The following DOCK8 variants were observed in gnomAD, a reference collection of about 807,000 sequenced individuals.
The protein encoded by DOCK8 is dedicator of cytokinesis protein 8.
Under a neutral mutation model 245.6 loss-of-function variants are expected in DOCK8, and 141 were observed. The ratio of observed to expected loss-of-function variants is 0.57; its 90% CI spans 0.50 to 0.66. The LOEUF (loss-of-function observed/expected upper bound fraction) is 0.66. DOCK8 is among the 30% of genes least tolerant of loss of function. The pLI, the probability that DOCK8 is intolerant of heterozygous loss-of-function variation, is 0.00. For missense variants in DOCK8, 2,965 were observed against 2,603.4 expected, an observed-to-expected ratio of 1.14 and a Z score of -3.02; for synonymous variants, 1,168 against 970.2, an observed-to-expected ratio of 1.20 and a Z score of -3.79.
intron 2 of DOCK8, among the ~76,000 whole-genome samples, chr9:282,286 A>T (rs2048620850): frequency 1.3e-5 from 2 of 152,148 alleles, no homozygotes; most frequent in Non-Finnish European, 2.9e-5. Context: ...TGAGTGAGGA[A>T]GTCAGCCATC....
chr9:428,934 T>G (rs992398554), intron 35 of DOCK8, among the ~76,000 whole-genome samples: 1 of 152,344 alleles, frequency 6.6e-6, no homozygotes, highest in East Asian at 1.9e-4. Flanking sequence ...AGGATTATCC[T>G]GGGGTAACAT....
At chr9:340,384 G>T (rs1056911756) in intron 14 of DOCK8, 63 bp downstream of exon 14, 10 of 1,597,708 alleles carry the variant, frequency 6.3e-6, no homozygotes, top group Middle Eastern at 3.5e-4. Context: ...ACTTTGGGAG[G>T]CCGAGGCAGG....
chr9:246,774 T>TTTTA lies in DOCK8; in HGVS notation c.54-24833_54-24830dup, dbSNP rs553183270. Among the ~76,000 whole-genome samples, 331 of 152,194 alleles carry TTTTA rather than the reference T, an allele frequency of 2.2e-3. 1 individual carries two copies. The highest frequency in any genetic ancestry group is 4.0e-3 in the Non-Finnish European group (274 of 68,012). On this transcript the variant is annotated intron_variant, in intron 1 of 47. Coordinates refer to ENST00000432829, the MANE Select transcript of DOCK8 (RefSeq NM_203447.4). ...TCAGTTATTATTTATTTTTTAAAGC[T>TTTTA]TTTATTTATTTATTTATTTATTTTA...
At chr9:307,778 A>C (rs144857644) in intron 5 of DOCK8, among the ~76,000 whole-genome samples, 1 of 152,322 alleles carries the variant, frequency 6.6e-6, no homozygotes, top group Non-Finnish European at 1.5e-5. Context: ...TGTTTATTGC[A>C]GCACTATTCA....
At chr9:212,416 G>C (rs767633214), upstream of DOCK8, among the ~76,000 whole-genome samples, 5 of 152,118 alleles carry the variant, frequency 3.3e-5, no homozygotes, top group Non-Finnish European at 7.4e-5. Context: ...GGCCAAGAGA[G>C]ACCATCAGAT....
chr9:373,195 G>A (rs541287929), intron 18 of DOCK8, among the ~76,000 whole-genome samples: 129 of 152,044 alleles, frequency 8.5e-4, no homozygotes, highest in African/African-American at 3.0e-3. Context: ...ATAAATAAAG[G>A]GAGCCCAGGG....
chr9:297,752 G>T (rs528731357), intron 4 of DOCK8, among the ~76,000 whole-genome samples: 3 of 152,202 alleles, frequency 2.0e-5, no homozygotes, highest in African/African-American at 7.2e-5. Context: ...CACCCTTGCT[G>T]CTGTCAAGGA....
rs550903315 is a variant in DOCK8, at chr9:255,709, T to A, written c.54-15918T>A. 1.3e-4 allele frequency among the ~76,000 whole-genome samples: 19 copies of A among 150,068 alleles called. No individual in the cohort carries two copies. In the East Asian group the frequency reaches 3.8e-3, roughly 30 times the overall value. Reference sequence around the variant, plus strand: ...AAAAAAAAAACAGCTCAAATAACTTTACCGTACATAACTTTACCATACATG... The same window carrying A: ...AAAAAAAAAACAGCTCAAATAACTTAACCGTACATAACTTTACCATACATG... On this transcript the variant is annotated intron_variant, in intron 1 of 47. Coordinates refer to ENST00000432829, the MANE Select transcript of DOCK8 (RefSeq NM_203447.4).
At chr9:216,316 G>A (rs1364861376) in intron 1 of DOCK8, among the ~76,000 whole-genome samples, 1 of 152,026 alleles carries the variant, frequency 6.6e-6, no homozygotes, top group Non-Finnish European at 1.5e-5. Context: ...GATTACTTGA[G>A]CCCAGAGTTT....
At chr9:398,692 A>G (rs559308395) in intron 25 of DOCK8, among the ~76,000 whole-genome samples, 42 of 152,190 alleles carry the variant, frequency 2.8e-4, no homozygotes, top group Non-Finnish European at 2.9e-4. Flanking sequence ...TTTCTTAGGT[A>G]AAAACTAATT....
intron 14 of DOCK8, among the ~76,000 whole-genome samples, chr9:344,608 A>C (rs1271088333): frequency 1.3e-5 from 2 of 152,014 alleles, no homozygotes; most frequent in Non-Finnish European, 2.9e-5. Context: ...GTTCCTTGCC[A>C]TCTCCCCATA....
At chr9:300,060 A>G (rs1287044063) in intron 4 of DOCK8, among the ~76,000 whole-genome samples, 1 of 150,954 alleles carries the variant, frequency 6.6e-6, no homozygotes, top group Non-Finnish European at 1.5e-5. Context: ...GTAAGCCTTG[A>G]CTTGAATTAG....
At chr9:457,442 G>A (rs184710958) in intron 46 of DOCK8, among the ~76,000 whole-genome samples, 8 of 152,320 alleles carry the variant, frequency 5.3e-5, no homozygotes, top group African/African-American at 1.9e-4. Context: ...GTGTAACATT[G>A]TTCAGTGGGG....
chr9:346,523 C>T (rs2051898395), intron 14 of DOCK8, among the ~76,000 whole-genome samples: 1 of 152,174 alleles, frequency 6.6e-6, no homozygotes, highest in Non-Finnish European at 1.5e-5. Flanking sequence ...AGTACGTTTT[C>T]ATCTCTCACT....
chr9:312,396 C>T (rs1454168922), intron 6 of DOCK8: 3 of 661,284 alleles, frequency 4.5e-6, no homozygotes, highest in Non-Finnish European at 8.3e-6. Flanking sequence ...ATTTTCATAG[C>T]ACTTTACAAA....
At chr9:449,318 C>G (rs2057359394) in intron 44 of DOCK8, among the ~76,000 whole-genome samples, 2 of 152,092 alleles carry the variant, frequency 1.3e-5, no homozygotes, top group African/African-American at 2.4e-5. Context: ...CCATTGCACT[C>G]CAGCCTAGAC....
chr9:291,549 AC>A (rs1461218470), intron 4 of DOCK8, among the ~76,000 whole-genome samples: 7 of 152,196 alleles, frequency 4.6e-5, no homozygotes, highest in Non-Finnish European at 8.8e-5. Flanking sequence ...CTTCCTCAAT[AC>A]AATGATTGAT....
At chr9:433,540 C>T (rs1345367977) in intron 37 of DOCK8, among the ~76,000 whole-genome samples, 1 of 152,104 alleles carries the variant, frequency 6.6e-6, no homozygotes, top group East Asian at 1.9e-4. Context: ...TATAAAAATC[C>T]CTGATATTCC....
chr9:427,578 TAATGAGTTTTTAATTACCCTGAAA>T (rs1379705540), intron 34 of DOCK8, among the ~76,000 whole-genome samples: 3 of 152,196 alleles, frequency 2.0e-5, no homozygotes, highest in African/African-American at 7.2e-5. Flanking sequence ...GTCTAGGTAA[TAATGAGTTTTTAATTACCCTGAAA>T]AATGAGTTCT....
Sources: allele counts gnomAD v4.1 joint callset (sites outside exome capture counted in the v4.1 genomes callset), GRCh38; gene constraint gnomAD v4.1.1; transcripts MANE v1.5; gene names NCBI Gene and HGNC (gene_info 2026-07-23, HGNC 2026-07-21).